The following XKR6 variants were observed in gnomAD, a reference collection of about 807,000 sequenced individuals.
XKR6 encodes XK related 6.
A neutral mutation model predicts 56.7 loss-of-function variants in XKR6; 22 were observed. The ratio of observed to expected loss-of-function variants is 0.39; its 90% CI spans 0.28 to 0.55. The LOEUF (loss-of-function observed/expected upper bound fraction) is 0.55. Ranked by LOEUF, XKR6 falls within the 20% of genes least tolerant of loss-of-function variation. The pLI is 0.66. For missense variants in XKR6, 852 were observed against 889.0 expected (o/e 0.96, Z 0.53); for synonymous variants, 524 against 387.8 (o/e 1.35, Z -4.13).
At chr8:11,059,999 C>A (rs1799790404) in intron 1 of XKR6, among the ~76,000 whole-genome samples, 1 of 152,190 alleles carries the variant, frequency 6.6e-6, no homozygotes, top group Non-Finnish European at 1.5e-5. Flanking sequence ...TGGCCAGATA[C>A]AGGCAATAAG....
chr8:11,032,035 T>C (rs900120677), intron 1 of XKR6, among the ~76,000 whole-genome samples: 1 of 152,106 alleles, frequency 6.6e-6, no homozygotes, highest in Non-Finnish European at 1.5e-5. Flanking sequence ...GAGACAGGGC[T>C]CCCAAGACAG....
intron 1 of XKR6, among the ~76,000 whole-genome samples, chr8:11,067,577 T>C (rs1390546436): frequency 1.3e-5 from 2 of 152,270 alleles, no homozygotes; most frequent in African/African-American, 4.8e-5. Context: ...TAGACATTTC[T>C]TGAAAGGTAA....
chr8:11,151,774 G>T (rs956855917), intron 1 of XKR6, among the ~76,000 whole-genome samples: 1 of 151,372 alleles, frequency 6.6e-6, no homozygotes, highest in African/African-American at 2.4e-5. Context: ...CCCCCGCTCC[G>T]CCTTTTAAAA....
At chr8:10,950,047 C>T (rs1801671418) in intron 1 of XKR6, among the ~76,000 whole-genome samples, 1 of 152,188 alleles carries the variant, frequency 6.6e-6, no homozygotes. Flanking sequence ...CTTGCCCCTC[C>T]ACCCTTCCTG....
At chr8:11,025,226 A>G (rs1181389852) in intron 1 of XKR6, among the ~76,000 whole-genome samples, 1 of 152,140 alleles carries the variant, frequency 6.6e-6, no homozygotes, top group Non-Finnish European at 1.5e-5. Flanking sequence ...CCCTGTACTC[A>G]TGTCCGCCAG....
chr8:10,985,139 G>A (rs1797831544), intron 1 of XKR6, among the ~76,000 whole-genome samples: 1 of 151,914 alleles, frequency 6.6e-6, no homozygotes. Flanking sequence ...GAGAGGGGGT[G>A]ATACGGTTTT....
At chr8:10,931,749 T>C (rs939325277) in intron 1 of XKR6, among the ~76,000 whole-genome samples, 1 of 152,068 alleles carries the variant, frequency 6.6e-6, no homozygotes, top group African/African-American at 2.4e-5. Context: ...CATAAAACTT[T>C]AAGAAGAAAC....
At chr8:11,046,458 G>T (rs189863704) in intron 1 of XKR6, among the ~76,000 whole-genome samples, 1 of 152,194 alleles carries the variant, frequency 6.6e-6, no homozygotes, top group Non-Finnish European at 1.5e-5. Flanking sequence ...GGGACCCAAA[G>T]AAATATTTGT....
intron 1 of XKR6, among the ~76,000 whole-genome samples, chr8:10,943,148 G>A (rs1248125789): frequency 6.6e-6 from 1 of 152,204 alleles, no homozygotes; most frequent in Non-Finnish European, 1.5e-5. Flanking sequence ...CATAGCTCAG[G>A]AGCAGGCTGC....
At chr8:11,147,709 A>G (rs909861792) in intron 1 of XKR6, among the ~76,000 whole-genome samples, 1 of 152,020 alleles carries the variant, frequency 6.6e-6, no homozygotes, top group African/African-American at 2.4e-5. Context: ...AAATATGCTC[A>G]ACATCACAAG....
At chr8:11,152,016 T>A (rs1251763666) in intron 1 of XKR6, among the ~76,000 whole-genome samples, 1 of 152,186 alleles carries the variant, frequency 6.6e-6, no homozygotes, top group Admixed American at 6.5e-5. Context: ...ACAATAGTAA[T>A]CACCAAACTT....
chr8:11,102,112 TCTTC>T (rs1235020639), intron 1 of XKR6, among the ~76,000 whole-genome samples: 1 of 152,186 alleles, frequency 6.6e-6, no homozygotes, highest in Non-Finnish European at 1.5e-5. Context: ...ACAGTTCTTT[TCTTC>T]CTTAAGACAA....
intron 1 of XKR6, among the ~76,000 whole-genome samples, chr8:11,095,309 G>C (rs1013120012): frequency 1.3e-5 from 2 of 152,166 alleles, no homozygotes; most frequent in Non-Finnish European, 2.9e-5. Context: ...TTGGTTTTAA[G>C]AATTATATGA....
At chr8:10,938,979 T>A (rs1801308016) in intron 1 of XKR6, among the ~76,000 whole-genome samples, 1 of 152,216 alleles carries the variant, frequency 6.6e-6, no homozygotes, top group South Asian at 2.1e-4. Flanking sequence ...TGAGGGGCCC[T>A]AAAGCTTAAG....
At chr8:10,985,369 G>A (rs1797838325) in intron 1 of XKR6, among the ~76,000 whole-genome samples, 1 of 151,984 alleles carries the variant, frequency 6.6e-6, no homozygotes. Context: ...ACACCCCTTT[G>A]CTCTTTCTTC....
chr8:11,028,893 T>C (rs937370453), intron 1 of XKR6, among the ~76,000 whole-genome samples: 5 of 152,130 alleles, frequency 3.3e-5, no homozygotes, highest in Non-Finnish European at 5.9e-5. Context: ...TGCTGGCAGG[T>C]GGCAGGGTGG....
intron 1 of XKR6, among the ~76,000 whole-genome samples, chr8:10,962,086 T>G (rs773472729): frequency 6.6e-6 from 1 of 152,244 alleles, no homozygotes; most frequent in Non-Finnish European, 1.5e-5. Context: ...GAAAAGTGTC[T>G]TGGCCTAATC....
intron 1 of XKR6, among the ~76,000 whole-genome samples, chr8:10,952,661 G>A (rs1236651616): frequency 6.6e-6 from 1 of 152,152 alleles, no homozygotes; most frequent in Admixed American, 6.5e-5. Context: ...CAGTTTGAAT[G>A]TGTATCCTTG....
At chr8:10,970,338 G>C (rs1802368274) in intron 1 of XKR6, among the ~76,000 whole-genome samples, 1 of 152,164 alleles carries the variant, frequency 6.6e-6, no homozygotes, top group Admixed American at 6.5e-5. Context: ...TGTCCAATGA[G>C]GGCACTGGAC....
Sources: gnomAD v4.1 joint callset for allele counts (sites outside exome capture counted in the v4.1 genomes callset) on GRCh38, gnomAD v4.1.1 for gene constraint, MANE v1.5 for transcripts, NCBI Gene and HGNC (gene_info 2026-07-23, HGNC 2026-07-21) for gene names.